Variants in SCYL2 observed in about 807,000 individuals in gnomAD.
SCYL2 encodes the protein SCY1 like pseudokinase 2, also known as SCY1-like protein 2.
Under a neutral mutation model 100.4 loss-of-function variants are expected in SCYL2, and 36 were observed. That is an observed-to-expected ratio of 0.36 (90% CI 0.27 to 0.47). SCYL2 has a LOEUF of 0.47. Among genes scored for constraint, SCYL2 ranks in the 20% least tolerant of loss-of-function variants. The pLI is 1.00. For synonymous variants in SCYL2, 330 were observed against 359.2 expected (o/e 0.92, Z 0.92); for missense variants, 902 against 1,083.9 (o/e 0.83, Z 2.36).
intron 4 of SCYL2, among the ~76,000 whole-genome samples, chr12:100,306,201 A>C: frequency 6.6e-6 from 1 of 152,204 alleles, no homozygotes; most frequent in East Asian, 1.9e-4. Context: ...CTACAACAAA[A>C]GAAGAAAATT....
chr12:100,285,553 A>G (rs1434801137), intron 2 of SCYL2, among the ~76,000 whole-genome samples: 1 of 152,154 alleles, frequency 6.6e-6, no homozygotes, highest in Non-Finnish European at 1.5e-5. Flanking sequence ...ATCCCTGCCA[A>G]TCTTGTTATA....
In SCYL2 at chr12:100,313,421, GT is replaced by G. The variant is rs2096344600; in HGVS notation, c.854del (p.Leu285Ter). The G allele has an allele frequency of 7.0e-7, 1 of 1,428,288 alleles. No individual in the cohort carries two copies. Among genetic ancestry groups the G allele is most frequent in the Non-Finnish European group, 9.8e-7 (1 of 1,016,626 alleles). 88.5% of individuals were successfully genotyped at this position (1,428,288 alleles called of 1,614,324 possible). On this transcript the variant is annotated frameshift_variant and splice_region_variant, in exon 7 of 18. Coordinates refer to ENST00000360820, the MANE Select transcript of SCYL2 (RefSeq NM_017988.6). LOFTEE classifies it high-confidence loss of function. ...TTTAATGTTATCACTCTTTTGAATA[GT>G]TGAGTCGTTTAGGATCTAGTTCACT... ...YKSFSRQLDQ[L>X]SRLGSSSLTN...
chr12:100,326,822 A>C (rs1020991082), intron 12 of SCYL2, 68 bp downstream of exon 12: 2 of 1,322,466 alleles, frequency 1.5e-6, no homozygotes, highest in African/African-American at 2.9e-5. Context: ...TCTATAAAAC[A>C]ATTATACTCT....
intron 11 of SCYL2, among the ~76,000 whole-genome samples, chr12:100,324,876 A>G (rs1239379101): frequency 6.6e-6 from 1 of 152,170 alleles, no homozygotes; most frequent in Non-Finnish European, 1.5e-5. Flanking sequence ...AGATCTTACA[A>G]TCATACTATG....
At chr12:100,307,018 T>C (rs918655772) in intron 4 of SCYL2, among the ~76,000 whole-genome samples, 4 of 152,152 alleles carry the variant, frequency 2.6e-5, no homozygotes, top group South Asian at 4.1e-4. Flanking sequence ...TGGAAAAACA[T>C]TCCATGCACA....
intron 4 of SCYL2, among the ~76,000 whole-genome samples, chr12:100,302,838 A>G (rs1266434299): frequency 6.6e-6 from 1 of 152,134 alleles, no homozygotes; most frequent in East Asian, 1.9e-4. Context: ...TAATATCCTG[A>G]AGAGGATTTT....
chr12:100,302,098 G>A lies in SCYL2; in HGVS notation c.480+3923G>A, dbSNP rs543514809. Reference sequence around the variant, plus strand: ...GGGGCCCTTAAAACTGCCTGGTGCTGTATTCTACTGTGGCTGAGCTGTTAC... The same window carrying A: ...GGGGCCCTTAAAACTGCCTGGTGCTATATTCTACTGTGGCTGAGCTGTTAC... On this transcript the variant is annotated intron_variant, in intron 4 of 17. Coordinates refer to ENST00000360820, the MANE Select transcript of SCYL2 (RefSeq NM_017988.6). Among the ~76,000 whole-genome samples the A allele has an allele frequency of 1.2e-4, 18 of 152,288 alleles. No individual in the cohort carries two copies. In the South Asian group the frequency reaches 3.7e-3, roughly 32 times the overall value.
intron 10 of SCYL2, chr12:100,319,191 G>A (rs761598973): frequency 2.2e-6 from 1 of 455,704 alleles, no homozygotes; most frequent in Non-Finnish European, 4.4e-6. Context: ...AAGGCTGTGA[G>A]GTTGATGTTA....
At chr12:100,305,872 A>ATGC (rs1445031392) in intron 4 of SCYL2, among the ~76,000 whole-genome samples, 5 of 152,190 alleles carry the variant, frequency 3.3e-5, no homozygotes, top group Non-Finnish European at 7.3e-5. Context: ...AGAATACTAT[A>ATGC]AATCCTTCTA....
At chr12:100,322,060 A>G (rs866526796) in intron 10 of SCYL2, among the ~76,000 whole-genome samples, 95 of 146,562 alleles carry the variant, frequency 6.5e-4, no homozygotes, top group African/African-American at 2.2e-3. Context: ...AAAAAAAAAA[A>G]GAAAAAAAAA....
At chr12:100,312,393 A>C (rs1275542993) in intron 5 of SCYL2, 39 bp from the exon 6 acceptor site, 2 of 1,397,540 alleles carry the variant, frequency 1.4e-6, no homozygotes, top group Admixed American at 3.4e-5. Context: ...TGTTTGGTTG[A>C]ATTTGAAGTA....
At chr12:100,306,474 C>G (rs186994257) in intron 4 of SCYL2, among the ~76,000 whole-genome samples, 1 of 152,158 alleles carries the variant, frequency 6.6e-6, no homozygotes, top group Non-Finnish European at 1.5e-5. Flanking sequence ...TAAAAACTCT[C>G]AATAAACTAG....
At position 100,310,104 on chromosome 12, in the gene SCYL2, T is replaced by G. The variant is rs200833364; in HGVS notation, c.481-940T>G. Among the ~76,000 whole-genome samples, 7 of 152,122 alleles carry G rather than the reference T, an allele frequency of 4.6e-5. No individual in the cohort carries two copies. The East Asian group carries it at 9.7e-4, about 21-fold the overall frequency. The stretch of plus-strand genomic sequence containing the variant: ...ACCACCACTTCCCAGGTTCAAGTGA[T>G]TCTTCTGCCTCAGCCTACCGAGTAG... On this transcript the variant is annotated intron_variant, in intron 4 of 17. Transcript: ENST00000360820.
chr12:100,338,723 A>G lies in SCYL2; in HGVS notation c.2341A>G (p.Thr781Ala), dbSNP rs757184756. The G allele has an allele frequency of 6.2e-7, 1 of 1,614,094 alleles. No individual in the cohort carries two copies. The change falls in exon 18 of 18, where the codon ACT (threonine) becomes GCT (alanine). Residue 781 changes from threonine (T) to alanine (A), a missense_variant. Physicochemically the swap from Thr to Ala is moderately conservative, Grantham distance 58. Coordinates refer to ENST00000360820, the MANE Select transcript of SCYL2 (RefSeq NM_017988.6). The part of the protein sequence containing the change: ...NGLNANMGFQ[T>A]SGFNMPVNTN... ...CCTAAATGCCAATATGGGCTTTCAG[A>G]CTTCAGGATTCAACATGCCCGTTAA...
Position 100,315,642 on chromosome 12 carries a change from C to T in SCYL2, c.1180C>T (p.Leu394=), listed in dbSNP as rs10860577. ...DMVPFVLPNV[L]LIAEECTKEE... ...GGTACCTTTTGTTTTGCCCAATGTT[C>T]TACTTATTGCTGAGGAATGCACCAA... The change falls in exon 9 of 18, where the codon CTA becomes TTA. Residue 394 remains leucine, a synonymous_variant. Transcript: ENST00000360820. 259,888 of 1,610,500 alleles carry T rather than the reference C, an allele frequency of 0.16. 22,432 individuals are homozygous for T. The highest frequency in any genetic ancestry group is 0.18 in the Non-Finnish European group (210,226 of 1,178,014).
chr12:100,276,943 A>G (rs994195301), intron 1 of SCYL2, among the ~76,000 whole-genome samples: 3 of 151,764 alleles, frequency 2.0e-5, no homozygotes, highest in Admixed American at 2.0e-4. Context: ...TTTCATTTTC[A>G]TTTTCATTCT....
chr12:100,335,729 A>G (rs769977114), intron 15 of SCYL2, 38 bp downstream of exon 15: 16 of 1,591,198 alleles, frequency 1.0e-5, no homozygotes, highest in East Asian at 4.5e-5. Context: ...AGTATGCTTC[A>G]TCTGGAGGGC....
At chr12:100,301,795 C>CAAAG (rs946143867) in intron 4 of SCYL2, among the ~76,000 whole-genome samples, 1 of 152,232 alleles carries the variant, frequency 6.6e-6, no homozygotes, top group Admixed American at 6.5e-5. Context: ...AGGTGCAAGA[C>CAAAG]AAAGTTCCCT....
intron 4 of SCYL2, among the ~76,000 whole-genome samples, chr12:100,308,408 G>A (rs1419581641): frequency 6.6e-6 from 1 of 152,074 alleles, no homozygotes; most frequent in African/African-American, 2.4e-5. Context: ...AACACCGCAT[G>A]TTCTCACTTA....
Sources: gnomAD v4.1 joint callset for allele counts (sites outside exome capture counted in the v4.1 genomes callset) on GRCh38, gnomAD v4.1.1 for gene constraint, MANE v1.5 for transcripts, NCBI Gene and HGNC (gene_info 2026-07-23, HGNC 2026-07-21) for gene names.